Variants in PCDH15 observed in about 807,000 individuals in gnomAD.
The protein encoded by PCDH15 is protocadherin-15.
PCDH15 carries 129 observed loss-of-function variants against 178.5 expected under a neutral mutation model. That is an observed-to-expected ratio of 0.72 (90% CI 0.63 to 0.84). The LOEUF (loss-of-function observed/expected upper bound fraction) is 0.84, where lower values mean the gene tolerates loss of function less well. Among genes scored for constraint, PCDH15 ranks in the 40% least tolerant of loss-of-function variants. PCDH15 has a pLI of 0.00. For synonymous variants in PCDH15, 800 were observed against 732.0 expected, an observed-to-expected ratio of 1.09 and a Z score of -1.50; for missense variants, 2,230 against 2,099.9, an observed-to-expected ratio of 1.06 and a Z score of -1.21.
At chr10:55,222,685 A>T (rs1283165925) in intron 1 of PCDH15, among the ~76,000 whole-genome samples, 1 of 144,866 alleles carries the variant, frequency 6.9e-6, no homozygotes, top group African/African-American at 2.6e-5. Context: ...TGTCATCTAC[A>T]AGTAATGATA....
chr10:54,557,452 A>G (rs2087452426), intron 2 of PCDH15, among the ~76,000 whole-genome samples: 1 of 152,178 alleles, frequency 6.6e-6, no homozygotes, highest in South Asian at 2.1e-4. Flanking sequence ...ACTCTAGATA[A>G]TTTCATTCAA....
intron 1 of PCDH15, among the ~76,000 whole-genome samples, chr10:55,221,596 C>G (rs896486688): frequency 6.6e-6 from 1 of 151,982 alleles, no homozygotes; most frequent in Admixed American, 6.6e-5. Context: ...TTACCACACT[C>G]TCTCATAAGA....
In PCDH15 at chr10:54,183,962, A is replaced by T. The variant is rs138457186; in HGVS notation, c.1441-369T>A. On this transcript the variant is annotated intron_variant, in intron 12 of 37. Coordinates refer to ENST00000644397, the MANE Select transcript of PCDH15 (RefSeq NM_001384140.1). The stretch of plus-strand genomic sequence containing the variant: ...TTATTTGCATTTACATATTTTGTAT[A>T]CAATAGTTCCTTGTACAGTCAATGT... Among the ~76,000 whole-genome samples, 843 of 152,296 alleles carry T rather than the reference A, an allele frequency of 5.5e-3. 6 individuals are homozygous for T. Among genetic ancestry groups the T allele is most frequent in the African/African-American group, 0.019 (786 of 41,570 alleles).
chr10:54,369,251 C>T lies in PCDH15; in HGVS notation c.343G>A (p.Val115Met), dbSNP rs143570915. 3.3e-4 allele frequency: 525 copies of T among 1,612,704 alleles called. No homozygotes were observed. The African/African-American group carries it at 6.2e-3, about 19-fold the overall frequency. ...RDPPMNIHSIVVQVQCINKKV... is the reference protein window; with the variant it reads ...RDPPMNIHSIMVQVQCINKKV... ...TTGTTGATGCACTGGACCTGCACCACAATGGAGTGTATGTTCATCGGTGGC... is the reference window on the plus strand; with the variant it reads ...TTGTTGATGCACTGGACCTGCACCATAATGGAGTGTATGTTCATCGGTGGC... Residue 115 changes from valine (V) to methionine (M), a missense_variant, in exon 5 of 38, where the codon GTG becomes ATG. By Grantham distance (21) the Val-to-Met change is conservative. Transcript: ENST00000644397.
intron 8 of PCDH15, among the ~76,000 whole-genome samples, chr10:54,294,536 CA>C (rs1178942239): frequency 1.3e-5 from 2 of 152,174 alleles, no homozygotes; most frequent in African/African-American, 4.8e-5. Context: ...CAGAACTCAT[CA>C]AGATGCCAAA....
At chr10:55,285,064 C>A (rs769040613) in intron 1 of PCDH15, among the ~76,000 whole-genome samples, 1 of 150,940 alleles carries the variant, frequency 6.6e-6, no homozygotes, top group Non-Finnish European at 1.5e-5. Context: ...CTTAATCTCT[C>A]TGAAGATATT....
chr10:55,094,219 G>T (rs961754718), intron 2 of PCDH15, among the ~76,000 whole-genome samples: 5 of 152,028 alleles, frequency 3.3e-5, no homozygotes, highest in Non-Finnish European at 5.9e-5. Flanking sequence ...GCCATAAAAA[G>T]GATGAGTTCA....
chr10:54,891,230 G>C (rs1954455705), intron 3 of PCDH15, among the ~76,000 whole-genome samples: 1 of 152,080 alleles, frequency 6.6e-6, no homozygotes, highest in African/African-American at 2.4e-5. Context: ...GTCTGGAAAA[G>C]ATTGGAATAT....
intron 2 of PCDH15, among the ~76,000 whole-genome samples, chr10:55,376,882 A>G (rs1018087506): frequency 1.3e-5 from 2 of 152,090 alleles, no homozygotes; most frequent in Admixed American, 6.6e-5. Flanking sequence ...TTAGTGTTAC[A>G]TTTGATGAAA....
At chr10:54,463,416 T>C (rs893473437) in intron 3 of PCDH15, among the ~76,000 whole-genome samples, 11 of 152,146 alleles carry the variant, frequency 7.2e-5, no homozygotes, top group African/African-American at 2.7e-4. Context: ...CTAGTAAGGA[T>C]AGATGACTTA....
chr10:55,337,192 A>G lies in PCDH15; in HGVS notation c.-155-170541T>C, dbSNP rs192323871. On this transcript the variant is annotated intron_variant, in intron 2 of 5. Transcript: ENST00000613346. ...AACTAAAATCTCAGATGATAAAATG[A>G]AAAATAAAATAGGCAGAAGAGTGGG... 2.4e-3 allele frequency among the ~76,000 whole-genome samples: 363 copies of G among 152,346 alleles called. 4 individuals carry two copies. The highest frequency in any genetic ancestry group is 3.4e-3 in the Middle Eastern group (1 of 294).
intron 3 of PCDH15, among the ~76,000 whole-genome samples, chr10:54,527,066 A>G (rs1057284523): frequency 6.6e-6 from 1 of 152,164 alleles, no homozygotes; most frequent in African/African-American, 2.4e-5. Flanking sequence ...TGAGCCACAG[A>G]CCACATTTAC....
intron 2 of PCDH15, chr10:54,607,731 T>C (rs1243338838): frequency 3.6e-6 from 1 of 281,546 alleles, no homozygotes; most frequent in Non-Finnish European, 7.0e-6. Flanking sequence ...TTAGAAAAAA[T>C]ATTAGATTGC....
intron 2 of PCDH15, among the ~76,000 whole-genome samples, chr10:54,996,887 G>A (rs1839659181): frequency 6.6e-6 from 1 of 152,024 alleles, no homozygotes; most frequent in Non-Finnish European, 1.5e-5. Flanking sequence ...AAGGTAGGTG[G>A]ATCATGAGGT....
chr10:54,442,805 C>T (rs1280118564), intron 3 of PCDH15, among the ~76,000 whole-genome samples: 1 of 151,284 alleles, frequency 6.6e-6, no homozygotes, highest in Non-Finnish European at 1.5e-5. Context: ...AGAGAAAGCC[C>T]AGTGTGTTGG....
At chr10:55,487,412 G>A (rs144299295) in intron 2 of PCDH15, among the ~76,000 whole-genome samples, 225 of 151,464 alleles carry the variant, frequency 1.5e-3, no homozygotes, top group African/African-American at 5.0e-3. Context: ...TAAAACTCTC[G>A]CACATCCATT....
chr10:54,850,177 AT>A (rs1042201202), intron 3 of PCDH15, among the ~76,000 whole-genome samples: 2 of 152,040 alleles, frequency 1.3e-5, no homozygotes, highest in Non-Finnish European at 2.9e-5. Flanking sequence ...ATATCTACCA[AT>A]TTTTTGCTAA....
rs1428873660 is a variant in PCDH15 at position 54,132,989 on chromosome 10, C to T, written c.1803G>A (p.Val601=). ...TATTTGGTGGAAGCACTTCAATATA[C>T]ACAGTGCAGATGGAGTTCCTGCAGA... The part of the protein sequence containing the change: ...PAERRNSICT[V]YIEVLPPNNQ... The change falls in exon 15 of 38, where the codon GTG becomes GTA. Residue 601 remains valine, a synonymous_variant. Transcript: ENST00000644397. The T allele has an allele frequency of 6.2e-7, 1 of 1,614,050 alleles. No individual in the cohort carries two copies. The highest frequency in any genetic ancestry group is 1.1e-5 in the South Asian group (1 of 91,086).
intron 2 of PCDH15, among the ~76,000 whole-genome samples, chr10:54,528,694 A>G (rs571688479): frequency 6.6e-6 from 1 of 152,198 alleles, no homozygotes; most frequent in Admixed American, 6.6e-5. Flanking sequence ...TTTTCTTACG[A>G]AAAGGTAAAT....
Sources: allele counts gnomAD v4.1 joint callset (sites outside exome capture counted in the v4.1 genomes callset), GRCh38; gene constraint gnomAD v4.1.1; transcripts MANE v1.5; gene names NCBI Gene and HGNC (gene_info 2026-07-23, HGNC 2026-07-21).